MYO3A: variants seen among roughly 807,000 people sequenced by gnomAD.
MYO3A encodes the protein myosin IIIA, also known as myosin-IIIa.
In MYO3A, 180 loss-of-function variants were observed where a neutral mutation model predicts 192.7. That is an observed-to-expected ratio of 0.93 (90% CI 0.83 to 1.06). The LOEUF (loss-of-function observed/expected upper bound fraction) is 1.06, where lower values mean the gene tolerates loss of function less well. MYO3A is among the 50% of genes least tolerant of loss of function. The pLI is 0.00. For missense variants in MYO3A, 1,896 were observed against 1,905.0 expected, an observed-to-expected ratio of 1.00 and a Z score of 0.09; for synonymous variants, 628 against 645.3, an observed-to-expected ratio of 0.97 and a Z score of 0.41.
At chr10:26,081,791 G>A (rs1463655034) in intron 14 of MYO3A, among the ~76,000 whole-genome samples, 6 of 152,152 alleles carry the variant, frequency 3.9e-5, no homozygotes, top group Non-Finnish European at 7.3e-5. Context: ...ATTCAGTTCC[G>A]TGTAAAGCCA....
At chr10:25,984,856 A>G (rs1465444177) in intron 4 of MYO3A, among the ~76,000 whole-genome samples, 2 of 152,238 alleles carry the variant, frequency 1.3e-5, no homozygotes, top group African/African-American at 4.8e-5. Context: ...GAACTGAACA[A>G]TAATAGTGAC....
rs543767946 is a variant in MYO3A at position 25,964,346 on chromosome 10, C to T, written c.303+9338C>T. Among the ~76,000 whole-genome samples the T allele has an allele frequency of 1.6e-4, 24 of 152,034 alleles. No individual in the cohort carries two copies. In the South Asian group the frequency reaches 4.8e-3, roughly 30 times the overall value. On this transcript the variant is annotated intron_variant, in intron 4 of 34. Transcript: ENST00000642920. ...AGAAAATGTCTATTAGGTGGTAGTC[C>T]CAGTTTTTATTAATATTTTATTAGT...
At chr10:25,977,556 T>C (rs1215004241) in intron 4 of MYO3A, among the ~76,000 whole-genome samples, 1 of 152,156 alleles carries the variant, frequency 6.6e-6, no homozygotes, top group Non-Finnish European at 1.5e-5. Context: ...ATTTTAAAAA[T>C]TTTGTCATTT....
intron 17 of MYO3A, among the ~76,000 whole-genome samples, chr10:26,116,662 T>C (rs1410972062): frequency 6.6e-6 from 1 of 152,174 alleles, no homozygotes; most frequent in East Asian, 1.9e-4. Context: ...GGACTATTCT[T>C]TGGGGACAAA....
At chr10:26,112,363 T>G (rs1838241848) in intron 17 of MYO3A, among the ~76,000 whole-genome samples, 1 of 152,206 alleles carries the variant, frequency 6.6e-6, no homozygotes, top group African/African-American at 2.4e-5. Context: ...CCAGTTTGGA[T>G]TTGGTAGAAA....
At chr10:26,091,609 G>T (rs906545196) in intron 15 of MYO3A, among the ~76,000 whole-genome samples, 1 of 152,192 alleles carries the variant, frequency 6.6e-6, no homozygotes, top group Non-Finnish European at 1.5e-5. Context: ...CCTCTCCATT[G>T]TGGAGAAAGG....
chr10:26,011,082 G>A (rs916828552), intron 6 of MYO3A, among the ~76,000 whole-genome samples: 1 of 151,992 alleles, frequency 6.6e-6, no homozygotes, highest in Admixed American at 6.6e-5. Flanking sequence ...GCAATCTTTC[G>A]GCTCACTGCG....
rs949647956 is a variant in MYO3A, at chr10:25,952,983, G to A, written c.168+705G>A. Among the ~76,000 whole-genome samples, 4 of 151,584 alleles carry A rather than the reference G, an allele frequency of 2.6e-5. No homozygotes were observed. The East Asian group carries it at 5.8e-4, about 22-fold the overall frequency. On this transcript the variant is annotated intron_variant, in intron 3 of 34. Transcript: ENST00000642920. ...GAGATTCTATCTTCTGGTAATGAGA[G>A]CTGGCAGTTTCAGAATATCTTCAGG...
chr10:25,957,340 C>T (rs1837618080), intron 4 of MYO3A, among the ~76,000 whole-genome samples: 2 of 152,174 alleles, frequency 1.3e-5, no homozygotes, highest in African/African-American at 4.8e-5. Context: ...TGCCTGCTGA[C>T]ATCCATGTAA....
chr10:26,035,286 G>T, intron 10 of MYO3A, among the ~76,000 whole-genome samples: 1 of 152,244 alleles, frequency 6.6e-6, no homozygotes, highest in East Asian at 1.9e-4. Flanking sequence ...TTTTAACGTG[G>T]TCTCCAGGAA....
At chr10:26,159,663 G>A (rs1158756346) in intron 26 of MYO3A, among the ~76,000 whole-genome samples, 2 of 152,224 alleles carry the variant, frequency 1.3e-5, no homozygotes, top group Admixed American at 6.5e-5. Context: ...ACAGGCGTGA[G>A]CCACTGCACC....
rs748147609 is a variant in MYO3A, at chr10:26,174,274, A to T, written c.4010A>T (p.Glu1337Val). 5 of 1,614,028 alleles carry T rather than the reference A, an allele frequency of 3.1e-6. No individual in the cohort carries two copies. The highest frequency in any genetic ancestry group is 1.3e-5 in the African/African-American group (1 of 75,040). ...GAGACAGTCAAAGAGAGGCAAGTTG[A>T]ACCAGTGACACAGGCCCAGGAGGAA... ...RHETVKERQV[E>V]PVTQAQEEED... is the part of the protein sequence containing the mutation. Residue 1337 changes from glutamate to valine, a missense_variant, in exon 30 of 35, where the codon GAA becomes GTA. Glu to Val is a moderately radical substitution (Grantham distance 121). Transcript: ENST00000642920.
intron 4 of MYO3A, among the ~76,000 whole-genome samples, chr10:25,995,693 CTTTCT>C (rs1840383052): frequency 6.6e-6 from 1 of 152,146 alleles, no homozygotes; most frequent in Non-Finnish European, 1.5e-5. Context: ...TGTGGATGTC[CTTTCT>C]GTTTGTTAGT....
intron 17 of MYO3A, among the ~76,000 whole-genome samples, chr10:26,099,124 A>G (rs1393170143): frequency 3.3e-5 from 5 of 152,104 alleles, no homozygotes; most frequent in Non-Finnish European, 2.9e-5. Flanking sequence ...GAGGTCCTTC[A>G]TGTCCCTTGT....
chr10:26,174,868 T>G (rs1034154287), intron 30 of MYO3A, among the ~76,000 whole-genome samples: 1 of 142,550 alleles, frequency 7.0e-6, no homozygotes, highest in Non-Finnish European at 1.6e-5. Context: ...TAATTAGATC[T>G]TTAATTAGAG....
intron 6 of MYO3A, among the ~76,000 whole-genome samples, chr10:26,006,358 G>C (rs1197188826): frequency 6.6e-6 from 1 of 152,162 alleles, no homozygotes; most frequent in African/African-American, 2.4e-5. Context: ...AAAGCTAGCA[G>C]AAGGCAAGAA....
At chr10:26,045,978 G>A (rs55841525) in intron 10 of MYO3A, among the ~76,000 whole-genome samples, 24,735 of 152,008 alleles carry the variant, frequency 0.16, 2,306 homozygotes, top group Non-Finnish European at 0.21. Context: ...TCATGTGGAG[G>A]GTGGCACATG....
At chr10:26,163,279 C>T (rs1841569702) in intron 26 of MYO3A, among the ~76,000 whole-genome samples, 2 of 152,216 alleles carry the variant, frequency 1.3e-5, no homozygotes, top group Non-Finnish European at 2.9e-5. Flanking sequence ...ACTTTGAAAG[C>T]ACCTGATTTT....
intron 4 of MYO3A, among the ~76,000 whole-genome samples, chr10:25,978,807 G>T (rs1163367840): frequency 1.3e-5 from 2 of 152,216 alleles, no homozygotes; most frequent in Non-Finnish European, 2.9e-5. Flanking sequence ...TTCATGGGGA[G>T]AATTTGTTTA....
Sources: allele counts gnomAD v4.1 joint callset (sites outside exome capture counted in the v4.1 genomes callset), GRCh38; gene constraint gnomAD v4.1.1; transcripts MANE v1.5; gene names NCBI Gene and HGNC (gene_info 2026-07-23, HGNC 2026-07-21).